The following DOCK9 variants were observed in gnomAD, a reference collection of about 807,000 sequenced individuals.
DOCK9 encodes the protein dedicator of cytokinesis protein 9.
In DOCK9, 89 loss-of-function variants were observed where a neutral mutation model predicts 263.3. The observed-to-expected ratio is 0.34, with a 90% CI of 0.28 to 0.40. DOCK9 has a LOEUF of 0.40. DOCK9 is among the 10% of genes least tolerant of loss of function. The pLI, the probability that DOCK9 is intolerant of heterozygous loss-of-function variation, is 1.00. For synonymous variants in DOCK9, 976 were observed against 973.1 expected, an observed-to-expected ratio of 1.00 and a Z score of -0.06; for missense variants, 2,140 against 2,603.4, an observed-to-expected ratio of 0.82 and a Z score of 3.87.
rs554932143 is a variant in DOCK9 at position 98,810,855 on chromosome 13, T to C, written c.5131-564A>G. ...GTTAACACTACCCATGGCTTAAGAA[T>C]TGTGGCCTGGACTTACACTAATCAG... On this transcript the variant is annotated intron_variant, in intron 45 of 52. Coordinates refer to ENST00000682017, the MANE Select transcript of DOCK9 (RefSeq NM_001366683.2). Among the ~76,000 whole-genome samples the C allele has an allele frequency of 7.2e-5, 11 of 152,214 alleles. No individual in the cohort carries two copies. The South Asian group carries it at 2.1e-3, about 29-fold the overall frequency.
rs780909038 is a variant in DOCK9 at position 98,829,506 on chromosome 13, G to A, written c.4766C>T (p.Ser1589Phe). ...DRLIKHTSFSSDVKDLTKRIR... is the reference protein window; with the variant it reads ...DRLIKHTSFSFDVKDLTKRIR... ...CCTTTTGGTTAAGTCCTTCACATCAGAGGAGAAGCTGGTGTGCTAAAACAA... is the reference window on the plus strand; with the variant it reads ...CCTTTTGGTTAAGTCCTTCACATCAAAGGAGAAGCTGGTGTGCTAAAACAA... The change falls in exon 43 of 53, where the codon TCT becomes TTT. Residue 1589 changes from serine (S) to phenylalanine (F), a missense_variant. By Grantham distance (155) the Ser-to-Phe change is radical. This residue lies in a region of DOCK9 where 619 missense variants were observed against 861.8 expected (regional missense o/e 0.72). Coordinates refer to ENST00000682017, the MANE Select transcript of DOCK9 (RefSeq NM_001366683.2). The surrounding 1 kb of genome is among the most constrained non-coding windows in gnomAD (Gnocchi z 4.1). 32 of 1,613,214 alleles carry A rather than the reference G, an allele frequency of 2.0e-5. No individual in the cohort carries two copies. Among genetic ancestry groups the A allele is most frequent in the Non-Finnish European group, 2.6e-5 (31 of 1,179,666 alleles).
At chr13:98,823,970 G>C (rs1163657266) in intron 45 of DOCK9, among the ~76,000 whole-genome samples, 1 of 152,226 alleles carries the variant, frequency 6.6e-6, no homozygotes, top group Non-Finnish European at 1.5e-5. Context: ...ACCAGGACCC[G>C]AGTCTGGCCT....
At chr13:98,950,835 T>C (rs2140886121) in intron 2 of DOCK9, among the ~76,000 whole-genome samples, 1 of 152,330 alleles carries the variant, frequency 6.6e-6, no homozygotes, top group African/African-American at 2.4e-5. Context: ...TGCCGTCGGT[T>C]AATCGCAGGG....
chr13:98,957,821 T>C (rs1288367337), intron 1 of DOCK9, among the ~76,000 whole-genome samples: 1 of 152,188 alleles, frequency 6.6e-6, no homozygotes, highest in Non-Finnish European at 1.5e-5. Flanking sequence ...AGAGGTCAGA[T>C]GGACCAATAC....
chr13:98,809,099 A>T lies in DOCK9; in HGVS notation c.5367+253T>A, dbSNP rs1173573448. 4 of 1,541,038 alleles carry T rather than the reference A, an allele frequency of 2.6e-6. No individual in the cohort carries two copies. In the East Asian group the frequency reaches 7.4e-5, roughly 28 times the overall value. Reference sequence around the variant, plus strand: ...TGAAGTACCAAAGATGTTGCTAAGAATGTCTTAAGGAGGAAGAACTTACCG... The same window carrying T: ...TGAAGTACCAAAGATGTTGCTAAGATTGTCTTAAGGAGGAAGAACTTACCG... On this transcript the variant is annotated intron_variant, in intron 47 of 52. Coordinates refer to ENST00000682017, the MANE Select transcript of DOCK9 (RefSeq NM_001366683.2).
intron 10 of DOCK9, 62 bp from the exon 11 acceptor site, chr13:98,903,174 A>G (rs2048551230): frequency 2.3e-6 from 3 of 1,282,834 alleles, no homozygotes; most frequent in Middle Eastern, 1.9e-4. Flanking sequence ...AACATCATAA[A>G]TGCATCCAAA....
At chr13:98,805,825 G>C (rs575829656) in intron 48 of DOCK9, among the ~76,000 whole-genome samples, 1 of 151,982 alleles carries the variant, frequency 6.6e-6, no homozygotes, top group African/African-American at 2.4e-5. Context: ...GCAATGGCGC[G>C]ATCTCAGCTA....
At chr13:98,858,568 G>A (rs987647726) in intron 33 of DOCK9, 4 of 152,186 alleles carry the variant, frequency 2.6e-5, no homozygotes, top group African/African-American at 9.7e-5. Context: ...AGTAAACCCA[G>A]TTCAAAGATG....
At chr13:99,055,072 T>G (rs1172632826) in intron 1 of DOCK9, among the ~76,000 whole-genome samples, 1 of 152,226 alleles carries the variant, frequency 6.6e-6, no homozygotes, top group African/African-American at 2.4e-5. Context: ...GAAATTTTCT[T>G]GAATGAACAT....
Position 98,824,384 on chromosome 13 carries a change from G to C in DOCK9, c.5130+14C>G. The C allele has an allele frequency of 6.2e-7, 1 of 1,612,394 alleles. No homozygotes were observed. The highest frequency in any genetic ancestry group is 8.5e-7 in the Non-Finnish European group (1 of 1,178,632). ...CCCCAGTACCTGAAAGCCCACATGA[G>C]TTCAAGCACGCACCTCGTTGAAATG... is the stretch of plus-strand genomic sequence containing the variant. On this transcript the variant is annotated intron_variant, in intron 45 of 52. Transcript: ENST00000682017.
At chr13:98,992,663 A>G (rs1489078363) in intron 1 of DOCK9, among the ~76,000 whole-genome samples, 5 of 152,248 alleles carry the variant, frequency 3.3e-5, no homozygotes, top group Middle Eastern at 3.4e-3. Context: ...GCCACATAAG[A>G]TGTGCCTTTG....
intron 37 of DOCK9, 99 bp from the exon 38 acceptor site, chr13:98,846,159 A>G: frequency 1.5e-6 from 2 of 1,374,630 alleles, no homozygotes; most frequent in Non-Finnish European, 2.0e-6. Flanking sequence ...CACGAGGGAG[A>G]TGGCCATGCA....
At chr13:98,845,577 G>A (rs2093363824) in intron 38 of DOCK9, among the ~76,000 whole-genome samples, 1 of 152,212 alleles carries the variant, frequency 6.6e-6, no homozygotes, top group African/African-American at 2.4e-5. Context: ...AGAGTTGCAG[G>A]GGAAAGCCAA....
At chr13:98,841,616 ATTTTTT>A (rs763770697) in intron 38 of DOCK9, among the ~76,000 whole-genome samples, 1 of 137,364 alleles carries the variant, frequency 7.3e-6, no homozygotes, top group African/African-American at 2.6e-5. Flanking sequence ...TATGAACAAA[ATTTTTT>A]TTTTTTTTTT....
intron 30 of DOCK9, among the ~76,000 whole-genome samples, chr13:98,864,202 A>G (rs775435415): frequency 6.6e-5 from 10 of 152,256 alleles, no homozygotes; most frequent in Non-Finnish European, 7.3e-5. Flanking sequence ...CAAATTTAAT[A>G]TAAACTAAAA....
intron 38 of DOCK9, among the ~76,000 whole-genome samples, chr13:98,843,211 G>A (rs767851812): frequency 2.0e-5 from 3 of 152,126 alleles, no homozygotes; most frequent in Non-Finnish European, 4.4e-5. Flanking sequence ...GGGGTTCCCT[G>A]GCAACTTTCT....
At chr13:98,975,539 T>G (rs960519874) in intron 1 of DOCK9, among the ~76,000 whole-genome samples, 1 of 150,594 alleles carries the variant, frequency 6.6e-6, no homozygotes, top group African/African-American at 2.4e-5. Flanking sequence ...CAGGAGAAAG[T>G]CTGGAAGTAT....
At chr13:98,828,264 G>A (rs1566625883) in intron 43 of DOCK9, among the ~76,000 whole-genome samples, 1 of 152,312 alleles carries the variant, frequency 6.6e-6, no homozygotes, top group Middle Eastern at 3.4e-3. Flanking sequence ...CACTCAGTCT[G>A]GGTACTTTGT....
At chr13:98,973,173 T>C (rs2059908155) in intron 1 of DOCK9, among the ~76,000 whole-genome samples, 1 of 152,224 alleles carries the variant, frequency 6.6e-6, no homozygotes, top group Non-Finnish European at 1.5e-5. Context: ...AAGTTGTCTC[T>C]AAGGGTGCAG....
Sources: allele counts gnomAD v4.1 joint callset (sites outside exome capture counted in the v4.1 genomes callset), GRCh38; gene constraint gnomAD v4.1.1; regional missense constraint gnomAD v4.1.1; non-coding constraint Gnocchi (gnomAD v3.1); transcripts MANE v1.5; gene names NCBI Gene and HGNC (gene_info 2026-07-23, HGNC 2026-07-21).